Variants in MDH1 observed in about 807,000 individuals in gnomAD.
MDH1 encodes malate dehydrogenase 1.
MDH1 carries 15 observed loss-of-function variants against 38.7 expected under a neutral mutation model. The ratio of observed to expected loss-of-function variants is 0.39; its 90% CI spans 0.26 to 0.60. The LOEUF (loss-of-function observed/expected upper bound fraction) is 0.60, where lower values mean the gene tolerates loss of function less well. MDH1 is among the 20% of genes least tolerant of loss of function. MDH1 has a pLI of 0.56. For missense variants in MDH1, 368 were observed against 405.2 expected (o/e 0.91, Z 0.79); for synonymous variants, 144 against 143.6 (o/e 1.00, Z -0.02).
chr2:63,597,659 T>G (rs973228429), intron 4 of MDH1, 85 bp downstream of exon 4: 3 of 1,228,256 alleles, frequency 2.4e-6, no homozygotes, highest in Non-Finnish European at 3.2e-6. Flanking sequence ...CCAAAATTAT[T>G]TGCCCTTTTT....
At chr2:63,605,786 C>G in intron 7 of MDH1, 153 bp from the exon 8 acceptor site, 1 of 677,320 alleles carries the variant, frequency 1.5e-6, no homozygotes. Flanking sequence ...TGAAAGTTAC[C>G]TTGTCACCAG....
chr2:63,602,735 C>G (rs1709448780), intron 5 of MDH1, among the ~76,000 whole-genome samples: 1 of 152,058 alleles, frequency 6.6e-6, no homozygotes, highest in Non-Finnish European at 1.5e-5. Flanking sequence ...CACTCCACCT[C>G]TATAATTTTG....
intron 1 of MDH1, among the ~76,000 whole-genome samples, chr2:63,594,123 G>A (rs1291729993): frequency 6.6e-6 from 1 of 152,214 alleles, no homozygotes; most frequent in Non-Finnish European, 1.5e-5. Flanking sequence ...CTATTGAGCA[G>A]ATGGGAGTGG....
intron 8 of MDH1, 143 bp from the exon 9 acceptor site, chr2:63,606,719 C>A: frequency 5.0e-6 from 2 of 399,922 alleles, no homozygotes; most frequent in African/African-American, 2.1e-5. Context: ...TTAGAATTAT[C>A]TATTAATTAA....
At chr2:63,604,554 T>C in intron 5 of MDH1, 142 bp from the exon 6 acceptor site, 1 of 690,584 alleles carries the variant, frequency 1.4e-6, no homozygotes, top group East Asian at 2.8e-5. Context: ...AATTTACATT[T>C]TTTACAAGTC....
At chr2:63,602,041 G>T (rs1709428919) in intron 5 of MDH1, among the ~76,000 whole-genome samples, 1 of 152,210 alleles carries the variant, frequency 6.6e-6, no homozygotes, top group East Asian at 1.9e-4. Flanking sequence ...AAACCCAACT[G>T]TGAACTAATT....
intron 1 of MDH1, among the ~76,000 whole-genome samples, chr2:63,592,460 C>T (rs931600745): frequency 1.3e-5 from 2 of 152,200 alleles, no homozygotes; most frequent in Non-Finnish European, 1.5e-5. Context: ...AAGTGATTCT[C>T]CTACCTCAGC....
chr2:63,604,331 C>T (rs1426787708), intron 5 of MDH1, among the ~76,000 whole-genome samples: 1 of 152,200 alleles, frequency 6.6e-6, no homozygotes, highest in Non-Finnish European at 1.5e-5. Flanking sequence ...TAAACATTAA[C>T]AGTGAAACAA....
rs377196579 is a variant in MDH1, at chr2:63,595,517, A to C, written c.197A>C (p.Lys66Thr). 6.3e-7 allele frequency: 1 copy of C among 1,591,190 alleles called. No homozygotes were observed. Among genetic ancestry groups the C allele is most frequent in the South Asian group, 1.1e-5 (1 of 90,606 alleles). The change falls in exon 3 of 9, where the codon AAA (lysine) becomes ACA (threonine). Residue 66 changes from lysine to threonine, a missense_variant and splice_region_variant. Coordinates refer to ENST00000233114, the MANE Select transcript of MDH1 (RefSeq NM_005917.4). ...CAAGACTGTGCCCTTCCCCTCCTGA[A>C]AGGTGGGTTGGGGAGTAGAGAAGGG... ...ELQDCALPLL[K>T]DVIATDKEDV...
chr2:63,589,423 T>A, intron 1 of MDH1: 1 of 1,529,684 alleles, frequency 6.5e-7, no homozygotes, highest in Non-Finnish European at 8.9e-7. Context: ...CTAACCCCTT[T>A]TTCTCCTCAT....
At chr2:63,595,347 A>C in intron 2 of MDH1, 76 bp from the exon 3 acceptor site, 1 of 916,786 alleles carries the variant, frequency 1.1e-6, no homozygotes, top group Non-Finnish European at 1.8e-6. Flanking sequence ...TACCAAATAA[A>C]AACTATGTGA....
At chr2:63,606,208 C>T (rs1419570819) in intron 8 of MDH1, among the ~76,000 whole-genome samples, 180 bp downstream of exon 8, 1 of 152,046 alleles carries the variant, frequency 6.6e-6, no homozygotes, top group Non-Finnish European at 1.5e-5. Context: ...ATAGTGAGAC[C>T]CCCTCTCTGC....
chr2:63,595,400 A>G (rs373327711), intron 2 of MDH1, 23 bp from the exon 3 acceptor site: 194 of 1,431,500 alleles, frequency 1.4e-4, no homozygotes, highest in Middle Eastern at 5.3e-4. Flanking sequence ...ACACTAACAG[A>G]TGCTGTCCTT....
chr2:63,593,446 C>G (rs1370242681), intron 1 of MDH1: 1 of 405,136 alleles, frequency 2.5e-6, no homozygotes, highest in South Asian at 1.9e-5. Flanking sequence ...TGAGTGAGTA[C>G]CAAATTGCTG....
At chr2:63,595,787 C>T (rs1224840926) in intron 3 of MDH1, among the ~76,000 whole-genome samples, 2 of 152,114 alleles carry the variant, frequency 1.3e-5, no homozygotes, top group African/African-American at 4.8e-5. Flanking sequence ...TGTAATATTG[C>T]ACAAGGGTTA....
intron 2 of MDH1, 106 bp from the exon 3 acceptor site, chr2:63,595,317 G>A (rs1464037768): frequency 5.4e-6 from 4 of 744,672 alleles, no homozygotes; most frequent in Non-Finnish European, 7.3e-6. Context: ...ACTAATTAAT[G>A]GGAATTACAT....
chr2:63,597,283 G>A (rs1709332251), intron 3 of MDH1, 116 bp from the exon 4 acceptor site: 2 of 1,252,982 alleles, frequency 1.6e-6, no homozygotes, highest in African/African-American at 1.5e-5. Flanking sequence ...GTATATCAGT[G>A]TGATATGTAA....
intron 1 of MDH1, among the ~76,000 whole-genome samples, chr2:63,592,716 C>T (rs2106599581): frequency 6.6e-6 from 1 of 152,320 alleles, no homozygotes; most frequent in African/African-American, 2.4e-5. Flanking sequence ...TGTTTTCAAA[C>T]AGTTCTTATA....
intron 3 of MDH1, among the ~76,000 whole-genome samples, chr2:63,596,429 C>G (rs996334874): frequency 6.6e-6 from 1 of 152,210 alleles, no homozygotes; most frequent in African/African-American, 2.4e-5. Flanking sequence ...ACCCACAGCT[C>G]TTTCCAAATC....
Sources: gnomAD v4.1 joint callset for allele counts (sites outside exome capture counted in the v4.1 genomes callset) on GRCh38, gnomAD v4.1.1 for gene constraint, MANE v1.5 for transcripts, NCBI Gene and HGNC (gene_info 2026-07-23, HGNC 2026-07-21) for gene names.